SIPA1L1: variants seen among roughly 807,000 people sequenced by gnomAD.
The protein encoded by SIPA1L1 is signal-induced proliferation-associated 1-like protein 1.
In SIPA1L1, 26 loss-of-function variants were observed where a neutral mutation model predicts 162.7. The observed-to-expected ratio is 0.16, with a 90% CI of 0.12 to 0.22. SIPA1L1 has a LOEUF of 0.22. SIPA1L1 is among the 10% of genes least tolerant of loss of function. SIPA1L1 has a pLI of 1.00. For synonymous variants in SIPA1L1, 829 were observed against 837.4 expected (o/e 0.99, Z 0.17); for missense variants, 1,874 against 2,241.0 (o/e 0.84, Z 3.31).
intron 4 of SIPA1L1, chr14:71,574,532 G>A (rs2032667440): frequency 6.6e-6 from 1 of 152,160 alleles, no homozygotes; most frequent in African/African-American, 2.4e-5. Context: ...GAGGATTTAA[G>A]CGAAGGAGGC....
chr14:71,528,208 A>T (rs772033390), intron 3 of SIPA1L1, among the ~76,000 whole-genome samples: 14 of 152,094 alleles, frequency 9.2e-5, no homozygotes, highest in Non-Finnish European at 5.9e-5. Flanking sequence ...ATATTTTTGC[A>T]TTTTTTTCTC....
intron 2 of SIPA1L1, among the ~76,000 whole-genome samples, chr14:71,357,444 C>G (rs1168987583): frequency 6.6e-6 from 1 of 152,202 alleles, no homozygotes; most frequent in Non-Finnish European, 1.5e-5. Flanking sequence ...CCACTAAACT[C>G]TCTAGGAAAG....
chr14:71,552,952 T>C (rs2056001319), intron 4 of SIPA1L1, among the ~76,000 whole-genome samples: 1 of 152,146 alleles, frequency 6.6e-6, no homozygotes, highest in Admixed American at 6.6e-5. Context: ...TGTGAAGGGC[T>C]GTGGAATTAC....
At chr14:71,457,893 G>T (rs1490999481) in intron 2 of SIPA1L1, among the ~76,000 whole-genome samples, 1 of 150,724 alleles carries the variant, frequency 6.6e-6, no homozygotes, top group South Asian at 2.1e-4. Flanking sequence ...CACCATGCCC[G>T]GCCTGCAATG....
chr14:71,465,828 G>A (rs2046951419), intron 2 of SIPA1L1, among the ~76,000 whole-genome samples: 1 of 152,186 alleles, frequency 6.6e-6, no homozygotes, highest in Non-Finnish European at 1.5e-5. Context: ...GCCAGTCCGA[G>A]TCCCAAAACT....
chr14:71,570,075 G>C (rs116514419), intron 4 of SIPA1L1, among the ~76,000 whole-genome samples: 1 of 152,090 alleles, frequency 6.6e-6, no homozygotes, highest in Non-Finnish European at 1.5e-5. Context: ...TAGATACAAA[G>C]TTTAGAGGAT....
At chr14:71,536,466 C>G (rs1001322186) in intron 4 of SIPA1L1, among the ~76,000 whole-genome samples, 3 of 152,240 alleles carry the variant, frequency 2.0e-5, no homozygotes, top group African/African-American at 7.2e-5. Flanking sequence ...GTCCTCTGCC[C>G]TCTCTTCCAA....
At chr14:71,378,535 C>T (rs1371098635) in intron 2 of SIPA1L1, among the ~76,000 whole-genome samples, 1 of 152,072 alleles carries the variant, frequency 6.6e-6, no homozygotes, top group Non-Finnish European at 1.5e-5. Context: ...AATTTCAATC[C>T]TTTTATTGAG....
chr14:71,682,487 G>A (rs1356297666), intron 12 of SIPA1L1, among the ~76,000 whole-genome samples: 1 of 152,200 alleles, frequency 6.6e-6, no homozygotes, highest in Admixed American at 6.5e-5. Flanking sequence ...GCGAGTAGCT[G>A]AAGTTTAGCT....
chr14:71,346,608 T>C (rs1486107272), intron 2 of SIPA1L1, among the ~76,000 whole-genome samples: 1 of 152,204 alleles, frequency 6.6e-6, no homozygotes, highest in Non-Finnish European at 1.5e-5. Context: ...CAAGTCATGA[T>C]GGTAAGCAAA....
At chr14:71,509,403 T>C (rs908225926) in intron 2 of SIPA1L1, among the ~76,000 whole-genome samples, 6 of 152,196 alleles carry the variant, frequency 3.9e-5, no homozygotes, top group African/African-American at 1.4e-4. Context: ...GGAGCTCCAT[T>C]GTGCATGGCA....
intron 2 of SIPA1L1, among the ~76,000 whole-genome samples, chr14:71,375,672 G>A (rs1368297787): frequency 1.3e-5 from 2 of 152,032 alleles, no homozygotes; most frequent in African/African-American, 2.4e-5. Context: ...AAATAATTCA[G>A]TCTTTTGCCT....
intron 4 of SIPA1L1, among the ~76,000 whole-genome samples, chr14:71,563,407 AT>A (rs2056949090): frequency 1.3e-5 from 2 of 151,736 alleles, no homozygotes; most frequent in Non-Finnish European, 2.9e-5. Flanking sequence ...TTCTTTCTTA[AT>A]ACAAACTGAG....
chr14:71,463,373 G>A (rs2046754534), intron 2 of SIPA1L1, among the ~76,000 whole-genome samples: 4 of 152,178 alleles, frequency 2.6e-5, no homozygotes, highest in Admixed American at 2.6e-4. Context: ...TGTACCCACT[G>A]TAAGTCGCAC....
chr14:71,639,469 A>G (rs2041486706), intron 7 of SIPA1L1, among the ~76,000 whole-genome samples: 1 of 152,234 alleles, frequency 6.6e-6, no homozygotes, highest in Non-Finnish European at 1.5e-5. Flanking sequence ...TGAGAGCGTT[A>G]ACATATATTA....
At chr14:71,423,038 C>T (rs2043301571) in intron 2 of SIPA1L1, among the ~76,000 whole-genome samples, 1 of 152,136 alleles carries the variant, frequency 6.6e-6, no homozygotes, top group Non-Finnish European at 1.5e-5. Context: ...TGAGGTGGCA[C>T]CTCGTAATTT....
intron 5 of SIPA1L1, among the ~76,000 whole-genome samples, chr14:71,607,016 T>G (rs1483819285): frequency 6.6e-6 from 1 of 152,000 alleles, no homozygotes; most frequent in Admixed American, 6.6e-5. Flanking sequence ...AAAGATTGGC[T>G]AGATGATTGA....
intron 2 of SIPA1L1, among the ~76,000 whole-genome samples, chr14:71,361,303 G>T (rs1325881851): frequency 6.6e-6 from 1 of 152,072 alleles, no homozygotes; most frequent in Non-Finnish European, 1.5e-5. Flanking sequence ...AATTTTATTG[G>T]TAAAATTAAG....
chr14:71,550,131 T>G (rs915248222), intron 4 of SIPA1L1, among the ~76,000 whole-genome samples: 7 of 152,182 alleles, frequency 4.6e-5, no homozygotes, highest in Non-Finnish European at 1.0e-4. Flanking sequence ...CGTGCACTTG[T>G]AGTCCCAGGT....
Sources: allele counts gnomAD v4.1 joint callset (sites outside exome capture counted in the v4.1 genomes callset), GRCh38; gene constraint gnomAD v4.1.1; transcripts MANE v1.5; gene names NCBI Gene and HGNC (gene_info 2026-07-23, HGNC 2026-07-21).